FOCAD: variants seen among roughly 807,000 people sequenced by gnomAD.
The protein encoded by FOCAD is KIAA1797.
In FOCAD, 198 loss-of-function variants were observed where a neutral mutation model predicts 225.6. The ratio of observed to expected loss-of-function variants is 0.88; its 90% CI spans 0.78 to 0.99. FOCAD has a LOEUF of 0.99. Ranked by LOEUF, FOCAD falls within the 50% of genes least tolerant of loss-of-function variation. FOCAD has a pLI of 0.00. For missense variants in FOCAD, 2,713 were observed against 2,123.6 expected, an observed-to-expected ratio of 1.28 and a Z score of -5.46; for synonymous variants, 897 against 755.0, an observed-to-expected ratio of 1.19 and a Z score of -3.08.
At chr9:20,732,341 C>A (rs1039550371) in intron 4 of FOCAD, among the ~76,000 whole-genome samples, 2 of 152,000 alleles carry the variant, frequency 1.3e-5, no homozygotes, top group African/African-American at 4.8e-5. Flanking sequence ...TAAGATGAGA[C>A]GAAGGAGTAA....
intron 35 of FOCAD, among the ~76,000 whole-genome samples, chr9:20,956,632 G>A (rs1345939910): frequency 6.6e-6 from 1 of 152,138 alleles, no homozygotes; most frequent in Non-Finnish European, 1.5e-5. Context: ...GAGGAAGTAA[G>A]AAAAGAATCC....
intron 24 of FOCAD, among the ~76,000 whole-genome samples, chr9:20,919,164 C>A (rs889094367): frequency 1.3e-5 from 2 of 152,128 alleles, no homozygotes; most frequent in African/African-American, 4.8e-5. Context: ...TTCTTATACA[C>A]CAATAACAGA....
At chr9:20,919,071 T>C (rs1834136153) in intron 24 of FOCAD, among the ~76,000 whole-genome samples, 3 of 152,180 alleles carry the variant, frequency 2.0e-5, no homozygotes, top group Non-Finnish European at 4.4e-5. Flanking sequence ...GATTTGTTCA[T>C]GTAAGCCCAA....
At position 20,722,600 on chromosome 9, in the gene FOCAD, A is replaced by G. The variant is rs902507721; in HGVS notation, c.287+2066A>G. Reference sequence around the variant, plus strand: ...TTTCTGAATAAGTGAAGGTTTGATCATGACTGAAAACTTACTACTTTCTCT... The same window carrying G: ...TTTCTGAATAAGTGAAGGTTTGATCGTGACTGAAAACTTACTACTTTCTCT... On this transcript the variant is annotated intron_variant, in intron 4 of 43. Coordinates refer to ENST00000338382, the MANE Select transcript of FOCAD (RefSeq NM_001375567.1). Among the ~76,000 whole-genome samples, 18 of 152,390 alleles carry G rather than the reference A, an allele frequency of 1.2e-4. No homozygotes were observed. In the South Asian group the frequency reaches 2.1e-3, roughly 18 times the overall value.
chr9:20,672,523 T>C (rs1436958304), intron 2 of FOCAD, among the ~76,000 whole-genome samples: 1 of 152,204 alleles, frequency 6.6e-6, no homozygotes, highest in Admixed American at 6.5e-5. Context: ...CAATCTAGGC[T>C]CACTGCAAGC....
At chr9:20,801,148 G>T (rs1444126954) in intron 11 of FOCAD, among the ~76,000 whole-genome samples, 1 of 152,126 alleles carries the variant, frequency 6.6e-6, no homozygotes, top group African/African-American at 2.4e-5. Flanking sequence ...CAGCAGCGGA[G>T]GCTGCAGAAC....
chr9:20,827,134 A>T (rs1353912427), intron 15 of FOCAD, among the ~76,000 whole-genome samples: 1 of 152,058 alleles, frequency 6.6e-6, no homozygotes, highest in Non-Finnish European at 1.5e-5. Flanking sequence ...CCATCATCAC[A>T]ATCAATTTTA....
chr9:20,665,808 A>T (rs911788066), intron 2 of FOCAD, among the ~76,000 whole-genome samples: 9 of 151,984 alleles, frequency 5.9e-5, no homozygotes, highest in Admixed American at 5.9e-4. Flanking sequence ...AGACAGGCGG[A>T]TTGCCTGAGG....
chr9:20,702,087 A>ATTATTG (rs1172963804), intron 1 of FOCAD, among the ~76,000 whole-genome samples: 3 of 151,436 alleles, frequency 2.0e-5, no homozygotes, highest in East Asian at 3.9e-4. Context: ...TTTTAACTTT[A>ATTATTG]TTATTGTTAT....
At chr9:20,709,078 A>G (rs1824623142) in intron 1 of FOCAD, among the ~76,000 whole-genome samples, 1 of 152,212 alleles carries the variant, frequency 6.6e-6, no homozygotes, top group South Asian at 2.1e-4. Flanking sequence ...GAGAAAGTTG[A>G]AAACCCAAAG....
chr9:20,663,405 C>T (rs1413250220), intron 2 of FOCAD, among the ~76,000 whole-genome samples: 1 of 151,746 alleles, frequency 6.6e-6, no homozygotes, highest in Non-Finnish European at 1.5e-5. Flanking sequence ...TTAAGAGGCA[C>T]TCTTTTCCTT....
intron 22 of FOCAD, among the ~76,000 whole-genome samples, chr9:20,909,388 G>T (rs559715156): frequency 1.3e-5 from 2 of 151,936 alleles, no homozygotes; most frequent in Non-Finnish European, 2.9e-5. Flanking sequence ...GAGCCTTAGC[G>T]TTTTCCACTG....
chr9:20,949,564 TG>T, intron 32 of FOCAD, 39 bp from the exon 33 acceptor site: 2 of 929,932 alleles, frequency 2.2e-6, no homozygotes, highest in Non-Finnish European at 2.7e-6. Flanking sequence ...AACTTTTTTA[TG>T]GGGGTGGGTG....
chr9:20,885,242 T>G lies in FOCAD; in HGVS notation c.2625+12T>G, dbSNP rs776218429. On this transcript the variant is annotated intron_variant, in intron 21 of 43. Transcript: ENST00000338382. ...CTCTTGTACATGAGGTAGGTTCCCGTGTCCTCTTCTTTATGTTTTAGTGTT... is the reference window on the plus strand; with the variant it reads ...CTCTTGTACATGAGGTAGGTTCCCGGGTCCTCTTCTTTATGTTTTAGTGTT... 1.4e-6 allele frequency: 2 copies of G among 1,452,920 alleles called. No individual in the cohort carries two copies. Among genetic ancestry groups the G allele is most frequent in the African/African-American group, 2.9e-5 (2 of 68,972 alleles). 90.0% of individuals were successfully genotyped at this position (1,452,920 alleles called of 1,614,324 possible).
chr9:20,807,022 T>C (rs1209947058), intron 11 of FOCAD, among the ~76,000 whole-genome samples: 1 of 152,236 alleles, frequency 6.6e-6, no homozygotes, highest in African/African-American at 2.4e-5. Flanking sequence ...ACAAGTATGT[T>C]TTCCTGTCTT....
rs1824258294 is a variant in FOCAD at position 20,820,948 on chromosome 9, T to C, written c.1670T>C (p.Val557Ala). The C allele has an allele frequency of 6.2e-7, 1 of 1,611,690 alleles. No individual in the cohort carries two copies. Among genetic ancestry groups the C allele is most frequent in the Non-Finnish European group, 8.5e-7 (1 of 1,178,670 alleles). ...GTAAAATTGCCTTCGTAGGACCGAG[T>C]CTATCCTGAACTGCAGCGTTTCATG... ...LTSLWEKQDR[V>A]YPELQRFMAV... is the part of the protein sequence containing the mutation. Residue 557 changes from valine (V) to alanine (A), a missense_variant, in exon 14 of 44, where the codon GTC becomes GCC. Physicochemically the swap from Val to Ala is moderately conservative, Grantham distance 64 (BLOSUM62 0). Transcript: ENST00000338382.
intron 11 of FOCAD, among the ~76,000 whole-genome samples, chr9:20,790,038 C>T (rs1820361671): frequency 6.6e-6 from 1 of 152,150 alleles, no homozygotes; most frequent in South Asian, 2.1e-4. Context: ...TAACTTCTTG[C>T]AGTTTGATAC....
In FOCAD at chr9:20,775,921, A is replaced by G. The variant is rs537988953; in HGVS notation, c.907-2760A>G. ...TTCCTTATTTATTTTATTGTATTTT[A>G]TTTATTTATTTTATTTTCAGGCTCT... is the stretch of plus-strand genomic sequence containing the variant. On this transcript the variant is annotated intron_variant, in intron 8 of 43. Transcript: ENST00000338382. Among the ~76,000 whole-genome samples the G allele has an allele frequency of 6.0e-5, 9 of 151,148 alleles. No homozygotes were observed. In the South Asian group the frequency reaches 1.9e-3, roughly 31 times the overall value.
rs564762090 is a variant in FOCAD, at chr9:20,826,795, G to C, written c.1920+3680G>C. On this transcript the variant is annotated intron_variant, in intron 15 of 43. Coordinates refer to ENST00000338382, the MANE Select transcript of FOCAD (RefSeq NM_001375567.1). ...ATGCTCTTTGGTTACTCCCGGGCTT[G>C]TTTCCTTTGAAAAATGTGGGCATTG... Among the ~76,000 whole-genome samples, 14 of 152,142 alleles carry C rather than the reference G, an allele frequency of 9.2e-5. No homozygotes were observed. The East Asian group carries it at 2.5e-3, about 27-fold the overall frequency.
Sources: gnomAD v4.1 joint callset for allele counts (sites outside exome capture counted in the v4.1 genomes callset) on GRCh38, gnomAD v4.1.1 for gene constraint, MANE v1.5 for transcripts, NCBI Gene and HGNC (gene_info 2026-07-23, HGNC 2026-07-21) for gene names.